Variants in PSMD1 observed in about 807,000 individuals in gnomAD.
PSMD1 encodes 26S proteasome non-ATPase regulatory subunit 1.
Under a neutral mutation model 119.0 loss-of-function variants are expected in PSMD1, and 18 were observed. The observed-to-expected ratio is 0.15, with a 90% CI of 0.10 to 0.22. The LOEUF is 0.22. Ranked by LOEUF, PSMD1 falls within the 10% of genes least tolerant of loss-of-function variation. PSMD1 has a pLI of 1.00. For missense variants in PSMD1, 702 were observed against 1,158.5 expected (o/e 0.61, Z 5.72); for synonymous variants, 374 against 396.6 (o/e 0.94, Z 0.68).
intron 16 of PSMD1, among the ~76,000 whole-genome samples, chr2:231,131,191 T>G (rs984286709): frequency 8.5e-5 from 13 of 152,222 alleles, no homozygotes; most frequent in African/African-American, 2.9e-4. Flanking sequence ...TCCTGTAAAT[T>G]GACAGTTGAA....
chr2:231,062,793 T>C, intron 4 of PSMD1, 118 bp downstream of exon 4: 1 of 838,670 alleles, frequency 1.2e-6, no homozygotes, highest in Non-Finnish European at 1.7e-6. Context: ...TGGAAGTTCC[T>C]AATCTTTCTA....
intron 18 of PSMD1, among the ~76,000 whole-genome samples, chr2:231,152,503 C>T (rs1574772820): frequency 6.6e-6 from 1 of 152,068 alleles, no homozygotes; most frequent in East Asian, 1.9e-4. Context: ...GATGAAGATA[C>T]TGAGGTTCAT....
chr2:231,101,953 C>T (rs1694878306), intron 16 of PSMD1, among the ~76,000 whole-genome samples: 1 of 152,134 alleles, frequency 6.6e-6, no homozygotes, highest in Non-Finnish European at 1.5e-5. Context: ...ATAGCAGAGA[C>T]TACAGGCACT....
Position 231,165,265 on chromosome 2 carries a change from G to A in PSMD1, c.2547G>A (p.Lys849=), listed in dbSNP as rs115889584. 187 of 1,601,360 alleles carry A rather than the reference G, an allele frequency of 1.2e-4. 2 individuals are homozygous for A. In the African/African-American group the frequency reaches 2.3e-3, roughly 20 times the overall value. ...AGAAGGAAAAAGAAAAGGAAAAAAAGGAGGAGGAGAAAATGGAAGTGGTAG... is the reference window on the plus strand; with the variant it reads ...AGAAGGAAAAAGAAAAGGAAAAAAAAGAGGAGGAGAAAATGGAAGTGGTAG... ...AKKKEKEKEK[K]EEEKMEVDEA... is the part of the protein sequence containing the mutation. Residue 849 remains lysine (K), a synonymous_variant, in exon 22 of 25, where the codon AAG becomes AAA. Coordinates refer to ENST00000308696, the MANE Select transcript of PSMD1 (RefSeq NM_002807.4).
chr2:231,115,786 G>A (rs1695310930), intron 16 of PSMD1, among the ~76,000 whole-genome samples: 1 of 152,140 alleles, frequency 6.6e-6, no homozygotes. Context: ...GCCACTCAGA[G>A]TTTGCTCTTA....
intron 16 of PSMD1, among the ~76,000 whole-genome samples, chr2:231,130,655 G>C (rs1014540009): frequency 6.6e-6 from 1 of 151,990 alleles, no homozygotes; most frequent in Non-Finnish European, 1.5e-5. Context: ...ATGGGGTTTC[G>C]CGGGAATGCC....
intron 24 of PSMD1, among the ~76,000 whole-genome samples, chr2:231,171,985 A>G (rs1319518695): frequency 1.3e-5 from 2 of 152,252 alleles, no homozygotes; most frequent in Non-Finnish European, 2.9e-5. Context: ...GAAATCTCAG[A>G]TAAATATTAA....
intron 16 of PSMD1, among the ~76,000 whole-genome samples, chr2:231,113,034 T>G (rs558437429): frequency 2.6e-5 from 4 of 151,464 alleles, no homozygotes; most frequent in East Asian, 1.9e-4. Flanking sequence ...GCATGGGGGG[T>G]GTGTCTGTAG....
At chr2:231,128,253 T>G (rs1217237708) in intron 16 of PSMD1, among the ~76,000 whole-genome samples, 1 of 152,242 alleles carries the variant, frequency 6.6e-6, no homozygotes, top group Non-Finnish European at 1.5e-5. Context: ...AGGTAAACAT[T>G]TTCTGTCCTC....
At chr2:231,079,705 A>G (rs904448128) in intron 11 of PSMD1, 91 bp downstream of exon 11, 2 of 774,988 alleles carry the variant, frequency 2.6e-6, no homozygotes, top group Non-Finnish European at 4.0e-6. Flanking sequence ...TAATTCATTA[A>G]CAAGTACACT....
At chr2:231,101,455 T>G (rs1373043386) in intron 16 of PSMD1, among the ~76,000 whole-genome samples, 1 of 152,046 alleles carries the variant, frequency 6.6e-6, no homozygotes, top group Non-Finnish European at 1.5e-5. Context: ...AGAAAAAAAT[T>G]AATGAAAAGA....
At chr2:231,087,962 CAA>C (rs1056884712) in intron 16 of PSMD1, among the ~76,000 whole-genome samples, 3 of 138,440 alleles carry the variant, frequency 2.2e-5, no homozygotes, top group Admixed American at 7.2e-5. Context: ...GACTCCCTCT[CAA>C]AAAAAAAAAA....
intron 18 of PSMD1, among the ~76,000 whole-genome samples, chr2:231,148,617 A>G (rs1247362781): frequency 6.6e-6 from 1 of 152,226 alleles, no homozygotes; most frequent in African/African-American, 2.4e-5. Context: ...GATAAATGTA[A>G]GTGTATATAC....
At chr2:231,081,144 TAAAA>T (rs368987456) in intron 12 of PSMD1, among the ~76,000 whole-genome samples, 2 of 74,034 alleles carry the variant, frequency 2.7e-5, no homozygotes, top group Admixed American at 1.6e-4. Context: ...AAACTCTGTC[TAAAA>T]AAAAAAAAAA....
intron 5 of PSMD1, among the ~76,000 whole-genome samples, chr2:231,069,241 A>G (rs1473072193): frequency 1.3e-5 from 2 of 152,020 alleles, no homozygotes; most frequent in African/African-American, 4.8e-5. Context: ...CCCAGTGCAC[A>G]TATACATATA....
intron 1 of PSMD1, 120 bp from the exon 2 acceptor site, chr2:231,061,147 C>T (rs1171364982): frequency 3.2e-6 from 2 of 634,182 alleles, no homozygotes; most frequent in South Asian, 2.0e-5. Flanking sequence ...TAATCATTCC[C>T]CTGGAGAAGT....
At chr2:231,063,602 G>T (rs1247868320) in intron 4 of PSMD1, among the ~76,000 whole-genome samples, 1 of 152,204 alleles carries the variant, frequency 6.6e-6, no homozygotes, top group Non-Finnish European at 1.5e-5. Flanking sequence ...CTGTCCTTGG[G>T]ATTCTGTGTT....
At chr2:231,073,125 G>A (rs1308781343) in intron 7 of PSMD1, among the ~76,000 whole-genome samples, 2 of 152,138 alleles carry the variant, frequency 1.3e-5, no homozygotes, top group African/African-American at 2.4e-5. Flanking sequence ...GGAATGACCG[G>A]TGTGTGGAGC....
rs181858759 is a variant in PSMD1 at position 231,159,845 on chromosome 2, T to C, written c.2219-1495T>C. ...TGGGGTGGTTTCAGGATGAAACTTT[T>C]CCACCTCAGTTCAGTAGGCATTAGA... On this transcript the variant is annotated intron_variant, in intron 19 of 24. Coordinates refer to ENST00000308696, the MANE Select transcript of PSMD1 (RefSeq NM_002807.4). Among the ~76,000 whole-genome samples the C allele has an allele frequency of 5.2e-3, 786 of 152,362 alleles. 13 individuals carry two copies. Among genetic ancestry groups the C allele is most frequent in the Admixed American group, 0.023 (351 of 15,306 alleles).
Sources: gnomAD v4.1 joint callset for allele counts (sites outside exome capture counted in the v4.1 genomes callset) on GRCh38, gnomAD v4.1.1 for gene constraint, MANE v1.5 for transcripts, NCBI Gene and HGNC (gene_info 2026-07-23, HGNC 2026-07-21) for gene names.